The following CCZ1 variants were observed in gnomAD, a reference collection of about 807,000 sequenced individuals.
CCZ1 encodes vacuolar fusion protein CCZ1 homolog.
CCZ1 carries 19 observed loss-of-function variants against 57.8 expected under a neutral mutation model. The observed-to-expected ratio is 0.33, with a 90% CI of 0.23 to 0.48. The LOEUF (loss-of-function observed/expected upper bound fraction) is 0.48. Among genes scored for constraint, CCZ1 ranks in the 20% least tolerant of loss-of-function variants. CCZ1 has a pLI of 0.99. For synonymous variants in CCZ1, 81 were observed against 167.0 expected, an observed-to-expected ratio of 0.49 and a Z score of 3.97; for missense variants, 200 against 492.0, an observed-to-expected ratio of 0.41 and a Z score of 5.61.
rs1264508639 is a variant in CCZ1, at chr7:5,901,370, G to A, written c.391-287G>A. 9 of 284,262 alleles carry A rather than the reference G, an allele frequency of 3.2e-5. 1 individual carries two copies. Among genetic ancestry groups the A allele is most frequent in the African/African-American group, 7.4e-5 (3 of 40,330 alleles). The allele number at this position is 284,262 out of a possible 1,614,324, so 17.6% of individuals were successfully genotyped here. On this transcript the variant is annotated intron_variant, in intron 4 of 14. Coordinates refer to ENST00000325974, the MANE Select transcript of CCZ1 (RefSeq NM_015622.6). ...GATGGTGGCGCACACCTGTCATCCC[G>A]GCTTCTCAGGAGGCTGAGGCAGGAG...
intron 1 of CCZ1, among the ~76,000 whole-genome samples, chr7:5,899,665 G>T (rs1445468725): frequency 6.8e-6 from 1 of 146,742 alleles, no homozygotes; most frequent in African/African-American, 2.5e-5. Flanking sequence ...TACTCAGGAG[G>T]CTGAGGCCAG....
At chr7:5,909,688 A>ACCT (rs950469435) in intron 7 of CCZ1, among the ~76,000 whole-genome samples, 1 of 125,656 alleles carries the variant, frequency 8.0e-6, no homozygotes, top group African/African-American at 2.9e-5. Context: ...ACAGAGCAAG[A>ACCT]CCTTGTCTCA....
rs572961212 is a variant in CCZ1 at position 5,903,150 on chromosome 7, C to T, written c.522+406C>T. On this transcript the variant is annotated intron_variant, in intron 6 of 14. Coordinates refer to ENST00000325974, the MANE Select transcript of CCZ1 (RefSeq NM_015622.6). ...TTCTGTTCACTAAACGGGCGTGAAC[C>T]GTCTTGATGTAGGTAAGAGTTACTG... Among the ~76,000 whole-genome samples the T allele has an allele frequency of 1.1e-4, 16 of 148,856 alleles. 4 individuals are homozygous for T. The East Asian group carries it at 2.9e-3, about 27-fold the overall frequency.
At chr7:5,924,416 T>A in intron 14 of CCZ1, among the ~76,000 whole-genome samples, 1 of 98,918 alleles carries the variant, frequency 1.0e-5, no homozygotes. Flanking sequence ...ATTTCTTTTT[T>A]TTTTTTTGAA....
At position 5,925,598 on chromosome 7, in the gene CCZ1, C is replaced by T. The variant is rs368544983; in HGVS notation, c.1394-34C>T. The T allele has an allele frequency of 9.5e-3, 15,239 of 1,603,542 alleles. 7 individuals carry two copies. The highest frequency in any genetic ancestry group is 0.059 in the African/African-American group (4,285 of 72,810). ...ATCATGTAACCTTTTAAGTGACTGC[C>T]TCTTCCTTCCTCACTGTTGTGTCCT... On this transcript the variant is annotated intron_variant, in intron 14 of 14. Coordinates refer to ENST00000325974, the MANE Select transcript of CCZ1 (RefSeq NM_015622.6).
intron 7 of CCZ1, among the ~76,000 whole-genome samples, chr7:5,908,431 T>A (rs1244799296): frequency 6.8e-6 from 1 of 147,980 alleles, no homozygotes; most frequent in Non-Finnish European, 1.5e-5. Context: ...CAGGCTAGAG[T>A]GCAGTGATGT....
At chr7:5,909,620 G>A (rs1583186021) in intron 7 of CCZ1, among the ~76,000 whole-genome samples, 1 of 147,820 alleles carries the variant, frequency 6.8e-6, no homozygotes, top group African/African-American at 2.5e-5. Flanking sequence ...GACCGCTTGA[G>A]CCCTGGAGGC....
Position 5,911,160 on chromosome 7 carries a change from C to T in CCZ1, c.781-701C>T, listed in dbSNP as rs1562542293. Among the ~76,000 whole-genome samples the T allele has an allele frequency of 1.3e-5, 2 of 149,298 alleles. 1 individual carries two copies. The highest frequency in any genetic ancestry group is 4.4e-4 in the East Asian group (2 of 4,564). ...CTAATTTTCAGTAGATGTTTTAGTG[C>T]CTACCCGGCTTTCCACTCTAGTACT... On this transcript the variant is annotated intron_variant, in intron 8 of 14. Transcript: ENST00000325974.
At chr7:5,906,695 A>G (rs993832104) in intron 7 of CCZ1, among the ~76,000 whole-genome samples, 2 of 149,606 alleles carry the variant, frequency 1.3e-5, no homozygotes, top group African/African-American at 2.5e-5. Flanking sequence ...TAGAAAAGGC[A>G]AAACTAGTTC....
In CCZ1 at chr7:5,905,078, A is replaced by T. The variant is rs781088162; in HGVS notation, c.523-16A>T. The T allele has an allele frequency of 1.3e-6, 2 of 1,598,314 alleles. No individual in the cohort carries two copies. Among genetic ancestry groups the T allele is most frequent in the Non-Finnish European group, 1.7e-6 (2 of 1,177,520 alleles). On this transcript the variant is annotated splice_polypyrimidine_tract_variant and intron_variant, in intron 6 of 14. Coordinates refer to ENST00000325974, the MANE Select transcript of CCZ1 (RefSeq NM_015622.6). ...GTACTATTAGTAAATTTTATGCCTT[A>T]TTTTTTTTCCCACAGTATTTGCAAA...
At chr7:5,920,470 CTTTTTTT>C (rs200899553) in intron 12 of CCZ1, among the ~76,000 whole-genome samples, 1 of 95,948 alleles carries the variant, frequency 1.0e-5, no homozygotes, top group African/African-American at 4.2e-5. Context: ...TTCTCCCTGG[CTTTTTTT>C]TTTTTTTTTT....
chr7:5,912,581 G>T (rs1439752694), intron 9 of CCZ1, among the ~76,000 whole-genome samples: 2 of 147,512 alleles, frequency 1.4e-5, no homozygotes, highest in Non-Finnish European at 3.0e-5. Flanking sequence ...TGTAGTTTTA[G>T]TAGAGACGAG....
At chr7:5,914,463 C>A (rs1158202911) in intron 10 of CCZ1, among the ~76,000 whole-genome samples, 1 of 148,658 alleles carries the variant, frequency 6.7e-6, no homozygotes, top group Admixed American at 6.6e-5. Flanking sequence ...TCAACAGTTT[C>A]ATATCCAGCA....
At chr7:5,920,344 G>C (rs1779214585) in intron 12 of CCZ1, among the ~76,000 whole-genome samples, 1 of 116,456 alleles carries the variant, frequency 8.6e-6, no homozygotes, top group South Asian at 2.4e-4. Flanking sequence ...AAACTGGCTG[G>C]GATGTGGGGC....
chr7:5,900,621 T>C (rs1230802968), intron 3 of CCZ1, 55 bp downstream of exon 3: 1 of 1,547,412 alleles, frequency 6.5e-7, no homozygotes, highest in Non-Finnish European at 8.7e-7. Flanking sequence ...TTATGGGTGA[T>C]CTTTACTGTT....
At chr7:5,903,938 G>A (rs1262660706) in intron 6 of CCZ1, among the ~76,000 whole-genome samples, 1 of 140,514 alleles carries the variant, frequency 7.1e-6, no homozygotes. Context: ...AGGTTGCAGT[G>A]AGCCGAGATC....
At position 5,916,498 on chromosome 7, in the gene CCZ1, GTTTT is replaced by G. The variant is rs764065119; in HGVS notation, c.955-2366_955-2363del. Among the ~76,000 whole-genome samples, 27 of 110,944 alleles carry G rather than the reference GTTTT, an allele frequency of 2.4e-4. 1 individual carries two copies. The highest frequency in any genetic ancestry group is 3.3e-4 in the African/African-American group (10 of 29,920). The allele number at this position is 110,944 out of a possible 152,430, so 72.8% of individuals were successfully genotyped here. Reference sequence around the variant, plus strand: ...GTTTGGTTTTTTGGGTTTTTGTTTTGTTTTTTGTTTTTTTTTTTTTTGGTTTTTT... The same window carrying G: ...GTTTGGTTTTTTGGGTTTTTGTTTTGTTGTTTTTTTTTTTTTTGGTTTTTT... On this transcript the variant is annotated intron_variant, in intron 10 of 14. Transcript: ENST00000325974.
intron 11 of CCZ1, chr7:5,919,572 T>TA (rs1779198090): frequency 1.4e-5 from 6 of 424,998 alleles, no homozygotes; most frequent in Non-Finnish European, 1.8e-5. Flanking sequence ...TAAATAAACA[T>TA]ACGACCTTCT....
At chr7:5,902,361 TA>T (rs1223966446) in intron 5 of CCZ1, 2 of 246,746 alleles carry the variant, frequency 8.1e-6, no homozygotes, top group African/African-American at 2.4e-5. Context: ...CACTGAAAAA[TA>T]AAAAAACAGA....
Sources: gnomAD v4.1 joint callset for allele counts (sites outside exome capture counted in the v4.1 genomes callset) on GRCh38, gnomAD v4.1.1 for gene constraint, MANE v1.5 for transcripts, NCBI Gene and HGNC (gene_info 2026-07-23, HGNC 2026-07-21) for gene names.